Variants in APP observed in about 807,000 individuals in gnomAD.
APP encodes amyloid-beta precursor protein.
Under a neutral mutation model 101.4 loss-of-function variants are expected in APP, and 31 were observed. The ratio of observed to expected loss-of-function variants is 0.31; its 90% confidence interval spans 0.23 to 0.41. The LOEUF is 0.41. Among genes scored for constraint, APP ranks in the 10% least tolerant of loss-of-function variants. The pLI is 1.00. For missense variants in APP, 839 were observed against 1,003.7 expected (o/e 0.84, Z 2.22); for synonymous variants, 366 against 364.4 (o/e 1.00, Z -0.05).
At chr21:26,144,152 A>C (rs137865509) in intron 1 of APP, among the ~76,000 whole-genome samples, 12 of 152,260 alleles carry the variant, frequency 7.9e-5, no homozygotes, top group Middle Eastern at 3.4e-3. Context: ...CGTGAGAACT[A>C]ACTCACTATT....
At chr21:26,067,238 AATTATC>A (rs1421701327) in intron 3 of APP, among the ~76,000 whole-genome samples, 6 of 152,256 alleles carry the variant, frequency 3.9e-5, no homozygotes, top group African/African-American at 1.4e-4. Context: ...CAATGTAAAT[AATTATC>A]ATTAAGACAT....
intron 3 of APP, among the ~76,000 whole-genome samples, chr21:26,054,620 G>GTTTTTTTTTTTTTTTTTTT (rs369608335): frequency 9.3e-6 from 1 of 107,994 alleles, no homozygotes; most frequent in Non-Finnish European, 1.9e-5. Context: ...TAGGCCAAAA[G>GTTTTTTTTTTTTTTTTTTT]TTTTTTTTTT....
At chr21:26,034,651 AAAAAG>A (rs2045013946) in intron 5 of APP, among the ~76,000 whole-genome samples, 1 of 8,212 alleles carries the variant, frequency 1.2e-4, no homozygotes, top group African/African-American at 1.5e-4. Flanking sequence ...AAAAAAAAAG[AAAAAG>A]AAAAAGAAAA....
chr21:26,010,353 C>T (rs2043736982), intron 6 of APP, among the ~76,000 whole-genome samples: 1 of 152,192 alleles, frequency 6.6e-6, no homozygotes, highest in African/African-American at 2.4e-5. Flanking sequence ...TACTAGACTA[C>T]ATTACACATT....
At chr21:26,041,064 T>C (rs1185972885) in intron 5 of APP, among the ~76,000 whole-genome samples, 2 of 152,218 alleles carry the variant, frequency 1.3e-5, no homozygotes, top group African/African-American at 2.4e-5. Context: ...GGAAATAGTT[T>C]GAACATCTCT....
chr21:25,947,845 A>T (rs1201437340), intron 13 of APP, among the ~76,000 whole-genome samples: 1 of 152,002 alleles, frequency 6.6e-6, no homozygotes, highest in Non-Finnish European at 1.5e-5. Context: ...TCTACTAAAA[A>T]TACAAAAAAA....
intron 5 of APP, among the ~76,000 whole-genome samples, chr21:26,035,397 T>C (rs561941376): frequency 2.0e-5 from 3 of 152,194 alleles, no homozygotes; most frequent in South Asian, 2.1e-4. Context: ...GCTGGGGATA[T>C]TGACTTGTGT....
intron 17 of APP, among the ~76,000 whole-genome samples, chr21:25,889,589 C>G (rs2037554771): frequency 6.6e-6 from 1 of 152,146 alleles, no homozygotes; most frequent in South Asian, 2.1e-4. Flanking sequence ...GCCTGTAATC[C>G]CAGCACCTTG....
At chr21:26,021,697 T>C in intron 6 of APP, 143 bp downstream of exon 6, 1 of 1,233,250 alleles carries the variant, frequency 8.1e-7, no homozygotes, top group Non-Finnish European at 1.1e-6. Context: ...CCAAAAAAAT[T>C]TCACAAGCAT....
chr21:26,022,755 G>A (rs1256719873), intron 5 of APP, among the ~76,000 whole-genome samples: 2 of 152,200 alleles, frequency 1.3e-5, no homozygotes, highest in African/African-American at 4.8e-5. Flanking sequence ...GAGCCGCAAC[G>A]CATTGCACGG....
At chr21:25,909,875 G>T (rs2038982422) in intron 14 of APP, among the ~76,000 whole-genome samples, 1 of 152,080 alleles carries the variant, frequency 6.6e-6, no homozygotes, top group Admixed American at 6.5e-5. Context: ...ATGTGATTAA[G>T]AATTATTTTC....
chr21:26,016,516 T>C (rs2044069865), intron 6 of APP, among the ~76,000 whole-genome samples: 1 of 152,226 alleles, frequency 6.6e-6, no homozygotes, highest in African/African-American at 2.4e-5. Context: ...TATCCTGGCC[T>C]ATCTAGGTCC....
chr21:25,881,826 A>C, intron 17 of APP, 55 bp from the exon 18 acceptor site: 2 of 1,527,932 alleles, frequency 1.3e-6, no homozygotes, highest in Non-Finnish European at 1.8e-6. Flanking sequence ...TTTAAGGGTG[A>C]ACATGGAGAA....
At chr21:26,051,861 T>C (rs1055335506) in intron 4 of APP, among the ~76,000 whole-genome samples, 2 of 152,196 alleles carry the variant, frequency 1.3e-5, no homozygotes, top group African/African-American at 4.8e-5. Flanking sequence ...GACATAAAGG[T>C]AGACAATGAA....
chr21:26,148,133 T>C (rs866241904), intron 1 of APP, among the ~76,000 whole-genome samples: 8 of 152,350 alleles, frequency 5.3e-5, no homozygotes, highest in Middle Eastern at 3.4e-3. Context: ...AGGAAGCCTC[T>C]GCAAGTGGAG....
At chr21:25,935,187 C>G (rs2040310181) in intron 13 of APP, 1 of 152,172 alleles carries the variant, frequency 6.6e-6, no homozygotes, top group African/African-American at 2.4e-5. Context: ...AGAAAGAAGT[C>G]AGCTGTTGTA....
chr21:25,911,589 T>A (rs1601377371), intron 14 of APP, 152 bp downstream of exon 14: 2 of 671,740 alleles, frequency 3.0e-6, no homozygotes, highest in Middle Eastern at 4.1e-4. Context: ...ATTTACTTTT[T>A]AAAGTAAAAT....
At chr21:26,170,498 A>G in intron 1 of APP, 66 bp downstream of exon 1, 1 of 1,492,346 alleles carries the variant, frequency 6.7e-7, no homozygotes, top group Non-Finnish European at 9.0e-7. Flanking sequence ...ACTTGGGTTA[A>G]GGTCTTGGGG....
At chr21:26,011,656 T>C (rs1032122208) in intron 6 of APP, among the ~76,000 whole-genome samples, 23 of 152,268 alleles carry the variant, frequency 1.5e-4, no homozygotes, top group African/African-American at 5.1e-4. Context: ...GGATTCGTGA[T>C]GCATTTTAGT....
Sources: allele counts gnomAD v4.1 joint callset (sites outside exome capture counted in the v4.1 genomes callset), GRCh38; gene constraint gnomAD v4.1.1; transcripts MANE v1.5; gene names NCBI Gene and HGNC (gene_info 2026-07-23, HGNC 2026-07-21).